The following HERC3 variants were observed in gnomAD, a reference collection of about 807,000 sequenced individuals.
HERC3 encodes the protein HECT and RLD domain containing E3 ubiquitin protein ligase 3, also known as probable E3 ubiquitin-protein ligase HERC3.
Under a neutral mutation model 129.9 loss-of-function variants are expected in HERC3, and 58 were observed. The ratio of observed to expected loss-of-function variants is 0.45; its 90% confidence interval spans 0.36 to 0.56. The LOEUF (loss-of-function observed/expected upper bound fraction) is 0.56. Among genes scored for constraint, HERC3 ranks in the 20% least tolerant of loss-of-function variants. The pLI, the probability that HERC3 is intolerant of heterozygous loss-of-function variation, is 0.00. For missense variants in HERC3, 835 were observed against 1,244.2 expected (o/e 0.67, Z 4.95); for synonymous variants, 430 against 451.0 (o/e 0.95, Z 0.59).
At position 88,655,951 on chromosome 4, in the gene HERC3, A is replaced by C. The variant is rs1244677227; in HGVS notation, c.985A>C (p.Thr329Pro). 6.2e-7 allele frequency: 1 copy of C among 1,614,094 alleles called. No homozygotes were observed. The highest frequency in any genetic ancestry group is 1.1e-5 in the South Asian group (1 of 91,082). ...FGCGARGQLG[T>P]GHTCNVKCPS... is the part of the protein sequence containing the mutation. ...TTGTGGAGCAAGAGGTCAATTAGGA[A>C]CTGGGCACACTTGTAATGTTAAGTG... is the stretch of plus-strand genomic sequence containing the variant. Residue 329 changes from threonine to proline, a missense_variant, in exon 9 of 26, where the codon ACT (threonine) becomes CCT (proline). By Grantham distance (38) the Thr-to-Pro change is conservative (BLOSUM62 -1). Coordinates refer to ENST00000402738, the MANE Select transcript of HERC3 (RefSeq NM_014606.3).
chr4:88,648,899 A>T (rs1274598755), intron 3 of HERC3, among the ~76,000 whole-genome samples: 9 of 150,446 alleles, frequency 6.0e-5, no homozygotes, highest in Non-Finnish European at 8.9e-5. Flanking sequence ...CTGCTTTTGA[A>T]GGTTTTTTTT....
At chr4:88,683,901 T>G (rs1733096497) in intron 21 of HERC3, among the ~76,000 whole-genome samples, 1 of 152,220 alleles carries the variant, frequency 6.6e-6, no homozygotes. Flanking sequence ...GAGATTTTTT[T>G]GCAGTTTTTC....
chr4:88,670,316 G>A (rs893804499), intron 16 of HERC3, 64 bp downstream of exon 16: 1 of 1,058,530 alleles, frequency 9.4e-7, no homozygotes, highest in South Asian at 1.4e-5. Flanking sequence ...CATGTGAGCT[G>A]TATAATATGT....
chr4:88,579,232 A>AATATATATATATATATATATATAT, the HERC3 span, among the ~76,000 whole-genome samples: 1 of 104,046 alleles, frequency 9.6e-6, no homozygotes, highest in African/African-American at 6.1e-5. Context: ...AAAAAAAAAA[A>AATATATATATATATATATATATAT]ATATATATAT....
chr4:88,642,085 C>A (rs979833091), intron 3 of HERC3, among the ~76,000 whole-genome samples: 1 of 137,018 alleles, frequency 7.3e-6, no homozygotes, highest in Middle Eastern at 3.8e-3. Flanking sequence ...GAGCCGAGAT[C>A]ACACCATTGC....
the HERC3 span, among the ~76,000 whole-genome samples, chr4:88,554,676 C>G: frequency 6.6e-6 from 1 of 152,116 alleles, no homozygotes; most frequent in African/African-American, 2.4e-5. Context: ...AAATTTTTGA[C>G]ATGTTAGAGG....
chr4:88,625,018 C>T (rs1218832555), intron 3 of HERC3, among the ~76,000 whole-genome samples: 3 of 152,128 alleles, frequency 2.0e-5, no homozygotes, highest in Non-Finnish European at 2.9e-5. Flanking sequence ...TGTGTGTGCT[C>T]GTCTTTTTGT....
At chr4:88,662,593 G>C in intron 11 of HERC3, 38 bp downstream of exon 11, 2 of 1,585,546 alleles carry the variant, frequency 1.3e-6, no homozygotes, top group Non-Finnish European at 1.7e-6. Flanking sequence ...TTTCCACAAA[G>C]TATGTTACAA....
chr4:88,678,308 CATTGGATAA>C (rs759970388), intron 19 of HERC3, among the ~76,000 whole-genome samples, 174 bp downstream of exon 19: 3 of 152,154 alleles, frequency 2.0e-5, no homozygotes, highest in Non-Finnish European at 2.9e-5. Context: ...CTCAATGTAA[CATTGGATAA>C]AAATGCCAGT....
chr4:88,662,295 G>A (rs982829763), intron 10 of HERC3, 136 bp from the exon 11 acceptor site: 17 of 792,738 alleles, frequency 2.1e-5, no homozygotes, highest in Non-Finnish European at 2.7e-5. Context: ...CTGAAGGGTG[G>A]AGGGGATCTG....
the HERC3 span, among the ~76,000 whole-genome samples, chr4:88,540,966 C>A: frequency 6.6e-6 from 1 of 152,186 alleles, no homozygotes; most frequent in Non-Finnish European, 1.5e-5. Context: ...AAGGAACAAC[C>A]AGTACCAGCC....
In HERC3 at chr4:88,637,139, A is replaced by G. The variant is rs551127664; in HGVS notation, c.227-12701A>G. On this transcript the variant is annotated intron_variant, in intron 3 of 25. Coordinates refer to ENST00000402738, the MANE Select transcript of HERC3 (RefSeq NM_014606.3). The stretch of plus-strand genomic sequence containing the variant: ...GTGAGATGCCATCTCAAAAACAAAC[A>G]AACAGGCCAGGCATGGTGGCTCATG... Among the ~76,000 whole-genome samples, 4 of 149,750 alleles carry G rather than the reference A, an allele frequency of 2.7e-5. No homozygotes were observed. In the East Asian group the frequency reaches 7.9e-4, roughly 30 times the overall value.
chr4:88,704,475 A>T (rs1353598223), intron 24 of HERC3, 33 bp from the exon 25 acceptor site: 1 of 1,427,308 alleles, frequency 7.0e-7, no homozygotes, highest in Non-Finnish European at 9.9e-7. Flanking sequence ...TTCTTCCAAG[A>T]TACATTTTTT....
chr4:88,639,514 T>G (rs879023234), intron 3 of HERC3, among the ~76,000 whole-genome samples: 2 of 152,158 alleles, frequency 1.3e-5, no homozygotes, highest in Admixed American at 1.3e-4. Context: ...ATAAATCATG[T>G]TGGGAAAACT....
At chr4:88,532,095 A>G in the HERC3 span, among the ~76,000 whole-genome samples, 1 of 152,318 alleles carries the variant, frequency 6.6e-6, no homozygotes, top group East Asian at 1.9e-4. Flanking sequence ...ACTACCCCAG[A>G]GTGTAGATGT....
At chr4:88,532,004 C>G in the HERC3 span, among the ~76,000 whole-genome samples, 1 of 152,198 alleles carries the variant, frequency 6.6e-6, no homozygotes, top group African/African-American at 2.4e-5. Flanking sequence ...TTTATAAACA[C>G]ATAGTTCTGT....
At chr4:88,638,841 G>A (rs901388262) in intron 3 of HERC3, among the ~76,000 whole-genome samples, 15 of 151,442 alleles carry the variant, frequency 9.9e-5, no homozygotes, top group African/African-American at 2.7e-4. Context: ...TTTAGAAAAC[G>A]CCATCATCTC....
chr4:88,545,028 T>G, the HERC3 span, among the ~76,000 whole-genome samples: 28 of 152,238 alleles, frequency 1.8e-4, no homozygotes, highest in African/African-American at 6.5e-4. Flanking sequence ...TGTGCACACG[T>G]ACCCTAGAAC....
At chr4:88,525,439 T>C in the HERC3 span, among the ~76,000 whole-genome samples, 1 of 152,238 alleles carries the variant, frequency 6.6e-6, no homozygotes, top group African/African-American at 2.4e-5. Flanking sequence ...GCTTGACTTC[T>C]GCAAGCGCTG....
Sources: gnomAD v4.1 joint callset for allele counts (sites outside exome capture counted in the v4.1 genomes callset) on GRCh38, gnomAD v4.1.1 for gene constraint, MANE v1.5 for transcripts, NCBI Gene and HGNC (gene_info 2026-07-23, HGNC 2026-07-21) for gene names.